Variants in WDR26 observed in about 807,000 individuals in gnomAD.
The protein encoded by WDR26 is WD repeat-containing protein 26.
A neutral mutation model predicts 84.1 loss-of-function variants in WDR26; 5 were observed. The observed-to-expected ratio is 0.06, with a 90% CI of 0.03 to 0.13. The LOEUF is 0.13. Ranked by LOEUF, WDR26 falls within the 10% of genes least tolerant of loss-of-function variation. The probability of loss-of-function intolerance (pLI) is 1.00; values close to 1 mark genes in which losing one functional copy is unlikely to be tolerated. For synonymous variants in WDR26, 415 were observed against 389.6 expected (o/e 1.07, Z -0.77); for missense variants, 642 against 974.9 (o/e 0.66, Z 4.55).
At chr1:224,390,470 A>G (rs1249867131) in intron 13 of WDR26, among the ~76,000 whole-genome samples, 1 of 152,242 alleles carries the variant, frequency 6.6e-6, no homozygotes, top group South Asian at 2.1e-4. Context: ...AGCAGAATAG[A>G]TAAATTTTTA....
At chr1:224,422,290 C>G (rs1017875979) in intron 4 of WDR26, among the ~76,000 whole-genome samples, 8 of 152,322 alleles carry the variant, frequency 5.3e-5, no homozygotes, top group African/African-American at 1.9e-4. Flanking sequence ...AGAAAAGGAT[C>G]AGGGATTTTG....
Position 224,403,832 on chromosome 1 carries a change from G to A in WDR26, c.1599+598C>T, listed in dbSNP as rs1337191486. ...GGTGCCTGTAATCCCAGCTACTCTG[G>A]AGGCTGAGGCAGGAGAATCGCTTGA... On this transcript the variant is annotated intron_variant, in intron 8 of 13. Transcript: ENST00000414423. 2.0e-5 allele frequency among the ~76,000 whole-genome samples: 3 copies of A among 152,286 alleles called. No individual in the cohort carries two copies. The East Asian group carries it at 5.8e-4, about 29-fold the overall frequency.
At position 224,411,564 on chromosome 1, in the gene WDR26, T is replaced by G; in HGVS notation, c.1321A>C (p.Arg441=). ...TGCTGCGTATAACATGGGAACTGCC[T>G]CCTAAAACAAAGAGGTCCACAAATT... Residue 441 remains arginine (R), a splice_region_variant and synonymous_variant, in exon 7 of 14, where the codon AGG becomes CGG. Coordinates refer to ENST00000414423, the MANE Select transcript of WDR26 (RefSeq NM_001379403.1). 1 of 1,587,730 alleles carries G rather than the reference T, an allele frequency of 6.3e-7. No homozygotes were observed. The highest frequency in any genetic ancestry group is 2.3e-5 in the East Asian group (1 of 44,210).
chr1:224,433,634 C>T (rs985750632), intron 1 of WDR26, 50 bp downstream of exon 1: 56 of 1,299,170 alleles, frequency 4.3e-5, no homozygotes, highest in Non-Finnish European at 5.6e-5. Context: ...CCCCCTGGAG[C>T]CTCCGTCCCT....
At chr1:224,407,736 T>C (rs1009560944) in intron 7 of WDR26, among the ~76,000 whole-genome samples, 3 of 152,058 alleles carry the variant, frequency 2.0e-5, no homozygotes, top group South Asian at 2.1e-4. Context: ...CTTGAACTTC[T>C]GACCTCAGGT....
At position 224,418,404 on chromosome 1, in the gene WDR26, G is replaced by C; in HGVS notation, c.1175C>G (p.Pro392Arg). 1 of 1,607,912 alleles carries C rather than the reference G, an allele frequency of 6.2e-7. No homozygotes were observed. Residue 392 changes from proline (P) to arginine (R), a missense_variant, in exon 6 of 14, where the codon CCA becomes CGA. Coordinates refer to ENST00000414423, the MANE Select transcript of WDR26 (RefSeq NM_001379403.1). Reference sequence around the variant, plus strand: ...ACGCCGTGGGGGAAGCATCACTGATGGTGGTAAATAGGCTTTAATAGAAGA... The same window carrying C: ...ACGCCGTGGGGGAAGCATCACTGATCGTGGTAAATAGGCTTTAATAGAAGA...
intron 13 of WDR26, among the ~76,000 whole-genome samples, chr1:224,391,325 T>C (rs1031411541): frequency 1.4e-5 from 2 of 138,876 alleles, no homozygotes; most frequent in African/African-American, 5.6e-5. Flanking sequence ...ATTGCGCCAT[T>C]GCACTCCAGC....
intron 3 of WDR26, among the ~76,000 whole-genome samples, chr1:224,425,442 C>T (rs900954424): frequency 2.0e-5 from 3 of 152,240 alleles, no homozygotes; most frequent in African/African-American, 7.2e-5. Context: ...ATTATTCGCT[C>T]TTTTCTCCCC....
intron 8 of WDR26, among the ~76,000 whole-genome samples, chr1:224,403,506 A>G (rs1673471531): frequency 6.6e-6 from 1 of 152,234 alleles, no homozygotes; most frequent in Non-Finnish European, 1.5e-5. Context: ...GAGTTGAAAC[A>G]AGGAAATGAC....
intron 3 of WDR26, chr1:224,430,191 G>A (rs1674351667): frequency 1.3e-5 from 2 of 151,814 alleles, no homozygotes; most frequent in African/African-American, 2.4e-5. Flanking sequence ...TTTAGTTAAC[G>A]AAAAATTTCC....
At position 224,433,786 on chromosome 1, in the gene WDR26, G is replaced by A. The variant is rs1340507993; in HGVS notation, c.620C>T (p.Thr207Ile). ...CTTGAGGCTGCTGCCCAGTTCTGGG[G>A]TGGCCAAGGAAGAGGAGGCGGCGGT... Residue 207 changes from threonine (T) to isoleucine (I), a missense_variant, in exon 1 of 14, where the codon ACC becomes ATC. Around this residue, in one of 2 missense-constraint regions of WDR26, gnomAD observed 291 missense variants for 302.1 expected, o/e 0.96. Coordinates refer to ENST00000414423, the MANE Select transcript of WDR26 (RefSeq NM_001379403.1). The A allele has an allele frequency of 6.5e-7, 1 of 1,536,860 alleles. No individual in the cohort carries two copies. The highest frequency in any genetic ancestry group is 8.7e-7 in the Non-Finnish European group (1 of 1,146,808).
intron 3 of WDR26, chr1:224,431,095 T>C (rs1300930345): frequency 6.3e-6 from 1 of 158,158 alleles, no homozygotes; most frequent in Non-Finnish European, 1.4e-5. Context: ...ATCAGCTTCT[T>C]AAGGCTGTAT....
At chr1:224,428,880 T>G (rs186944207) in intron 3 of WDR26, among the ~76,000 whole-genome samples, 2 of 147,008 alleles carry the variant, frequency 1.4e-5, no homozygotes, top group Non-Finnish European at 3.0e-5. Flanking sequence ...CACTCCAGTC[T>G]GGGCAATAAG....
intron 6 of WDR26, among the ~76,000 whole-genome samples, chr1:224,414,260 C>T (rs1200103391): frequency 6.6e-6 from 1 of 152,046 alleles, no homozygotes; most frequent in African/African-American, 2.4e-5. Flanking sequence ...CACCCACCAC[C>T]ACACCCGGCT....
rs1218241960 is a variant in WDR26 at position 224,425,239 on chromosome 1, CA to C, written c.928-586del. ...AACAAATGTACTACAAGTTGGTGTGCAAAGTATTGAATTTCCTACAACTAAC... is the reference window on the plus strand; with the variant it reads ...AACAAATGTACTACAAGTTGGTGTGCAAGTATTGAATTTCCTACAACTAAC... On this transcript the variant is annotated intron_variant, in intron 3 of 13. Transcript: ENST00000414423. Among the ~76,000 whole-genome samples the C allele has an allele frequency of 1.3e-4, 19 of 151,186 alleles. 1 individual carries two copies. Among genetic ancestry groups the C allele is most frequent in the Admixed American group, 3.9e-4 (6 of 15,202 alleles).
chr1:224,413,725 A>C (rs1006358147), intron 6 of WDR26, among the ~76,000 whole-genome samples: 1 of 152,216 alleles, frequency 6.6e-6, no homozygotes, highest in Non-Finnish European at 1.5e-5. Context: ...TTTTAAAATC[A>C]TATTTTTCAA....
chr1:224,424,958 A>G (rs898861772), intron 3 of WDR26, among the ~76,000 whole-genome samples: 5 of 152,306 alleles, frequency 3.3e-5, no homozygotes, highest in Admixed American at 1.3e-4. Context: ...GCAATCTCCT[A>G]CAATTGTAGT....
intron 7 of WDR26, among the ~76,000 whole-genome samples, chr1:224,405,632 T>C (rs1438778647): frequency 6.6e-6 from 1 of 152,176 alleles, no homozygotes; most frequent in Non-Finnish European, 1.5e-5. Flanking sequence ...CCCCCTCTCA[T>C]ATTATAGGGA....
At chr1:224,398,819 A>G (rs1673330511) in intron 10 of WDR26, 70 bp downstream of exon 10, 1 of 1,579,326 alleles carries the variant, frequency 6.3e-7, no homozygotes, top group Middle Eastern at 1.7e-4. Context: ...AACTGTGAAA[A>G]GGCAAGTTCC....
Sources: allele counts gnomAD v4.1 joint callset (sites outside exome capture counted in the v4.1 genomes callset), GRCh38; gene constraint gnomAD v4.1.1; regional missense constraint gnomAD v4.1.1; transcripts MANE v1.5; gene names NCBI Gene and HGNC (gene_info 2026-07-23, HGNC 2026-07-21).